LRBA: variants seen among roughly 807,000 people sequenced by gnomAD.
LRBA encodes lipopolysaccharide-responsive and beige-like anchor protein.
In LRBA, 176 loss-of-function variants were observed where a neutral mutation model predicts 330.0. That is an observed-to-expected ratio of 0.53 (90% CI 0.47 to 0.60). The LOEUF (loss-of-function observed/expected upper bound fraction) is 0.60, where lower values mean the gene tolerates loss of function less well. Among genes scored for constraint, LRBA ranks in the 20% least tolerant of loss-of-function variants. The pLI is 0.00. For missense variants in LRBA, 3,259 were observed against 3,444.8 expected (o/e 0.95, Z 1.35); for synonymous variants, 1,230 against 1,193.0 (o/e 1.03, Z -0.64).
chr4:150,583,485 C>T lies in LRBA; in HGVS notation c.6330+4563G>A, dbSNP rs1771672769. 1 of 1,613,792 alleles carries T rather than the reference C, an allele frequency of 6.2e-7. No homozygotes were observed. ...GCTATCGGGATGTGGTCAAGATGAT[C>T]GCGGACACCAGCGAGGTCAAGTTGC... On this transcript the variant is annotated intron_variant, in intron 40 of 56. Transcript: ENST00000651943. This position sits in a 1 kb window ranked among gnomAD's most constrained non-coding sequence, Gnocchi z 9.8.
At chr4:150,657,695 GTACTT>G (rs1173165934) in intron 37 of LRBA, among the ~76,000 whole-genome samples, 3 of 151,860 alleles carry the variant, frequency 2.0e-5, no homozygotes, top group Non-Finnish European at 4.4e-5. Context: ...GTAGAACAAA[GTACTT>G]TAATGTTTCG....
At chr4:150,400,011 C>G (rs1048079470) in intron 47 of LRBA, among the ~76,000 whole-genome samples, 1 of 150,920 alleles carries the variant, frequency 6.6e-6, no homozygotes, top group African/African-American at 2.4e-5. Context: ...CAAGGCTTCC[C>G]AAGGGGGAGG....
At chr4:150,730,345 G>A (rs1582172631) in intron 36 of LRBA, among the ~76,000 whole-genome samples, 1 of 152,122 alleles carries the variant, frequency 6.6e-6, no homozygotes, top group Non-Finnish European at 1.5e-5. Flanking sequence ...TATTTGAATA[G>A]ACGTTTCTCA....
intron 35 of LRBA, among the ~76,000 whole-genome samples, chr4:150,736,103 T>C (rs1731145927): frequency 6.6e-6 from 1 of 152,058 alleles, no homozygotes. Flanking sequence ...GCAAACAAAA[T>C]AGGCCAAACT....
At chr4:150,484,107 T>C (rs1056635834) in intron 42 of LRBA, among the ~76,000 whole-genome samples, 1 of 152,032 alleles carries the variant, frequency 6.6e-6, no homozygotes, top group African/African-American at 2.4e-5. Context: ...ATTTTATTTC[T>C]TCCTTTCCAA....
intron 44 of LRBA, among the ~76,000 whole-genome samples, chr4:150,457,104 T>C (rs1459460529): frequency 1.3e-5 from 2 of 152,136 alleles, no homozygotes; most frequent in African/African-American, 4.8e-5. Context: ...TATTTGTCTA[T>C]TCTAATTTTT....
intron 47 of LRBA, among the ~76,000 whole-genome samples, chr4:150,378,150 G>T (rs1233385393): frequency 2.6e-5 from 4 of 152,080 alleles, no homozygotes; most frequent in African/African-American, 9.7e-5. Context: ...TTACTAATTA[G>T]CATGATCCCT....
chr4:150,421,359 T>C (rs1748768355), intron 46 of LRBA, among the ~76,000 whole-genome samples: 1 of 146,764 alleles, frequency 6.8e-6, no homozygotes, highest in Non-Finnish European at 1.5e-5. Flanking sequence ...TATATATACA[T>C]ATATACACAT....
At chr4:150,668,222 A>G (rs74907773) in intron 37 of LRBA, among the ~76,000 whole-genome samples, 1 of 152,362 alleles carries the variant, frequency 6.6e-6, no homozygotes, top group East Asian at 1.9e-4. Flanking sequence ...TCCAAAACCC[A>G]GTATGTGCCA....
At chr4:150,942,677 T>C (rs188211170) in intron 2 of LRBA, among the ~76,000 whole-genome samples, 3 of 152,266 alleles carry the variant, frequency 2.0e-5, no homozygotes, top group Admixed American at 2.0e-4. Context: ...TCATATAAGA[T>C]TTCCATTTCT....
chr4:150,420,409 A>G (rs927059044), intron 46 of LRBA, among the ~76,000 whole-genome samples: 47 of 137,568 alleles, frequency 3.4e-4, no homozygotes, highest in African/African-American at 1.1e-3. Flanking sequence ...TATATATAAT[A>G]CACATTATAG....
chr4:150,418,101 C>T (rs7699508), intron 46 of LRBA, among the ~76,000 whole-genome samples: 8,318 of 151,346 alleles, frequency 0.055, 318 homozygotes, highest in Non-Finnish European at 0.083. Flanking sequence ...CATAGTTCAC[C>T]GTAACCTCAA....
chr4:150,502,920 C>CA (rs1455502946), intron 40 of LRBA, among the ~76,000 whole-genome samples: 9 of 152,256 alleles, frequency 5.9e-5, no homozygotes, highest in Admixed American at 5.9e-4. Context: ...GCACCTGACT[C>CA]AGAGGGTCCT....
intron 34 of LRBA, among the ~76,000 whole-genome samples, chr4:150,762,159 T>C (rs1735180532): frequency 1.3e-5 from 2 of 151,868 alleles, no homozygotes; most frequent in South Asian, 2.1e-4. Flanking sequence ...CAAGGACAAA[T>C]AGACATTTTG....
At chr4:150,777,962 G>A (rs1414664964) in intron 34 of LRBA, among the ~76,000 whole-genome samples, 1 of 102,042 alleles carries the variant, frequency 9.8e-6, no homozygotes, top group African/African-American at 3.9e-5. Context: ...GACAGAGTGA[G>A]ACTCTGTTTC....
chr4:150,405,543 T>G (rs1416993003), intron 47 of LRBA, among the ~76,000 whole-genome samples: 3 of 152,150 alleles, frequency 2.0e-5, no homozygotes, highest in Non-Finnish European at 4.4e-5. Context: ...AAGTAGTGAA[T>G]ACAATTAATA....
chr4:151,002,278 A>C (rs1033603883), intron 2 of LRBA, among the ~76,000 whole-genome samples: 1 of 151,636 alleles, frequency 6.6e-6, no homozygotes, highest in African/African-American at 2.4e-5. Flanking sequence ...TCAAAAACAA[A>C]TTTACAGGCC....
chr4:150,849,344 C>T (rs1750310760), intron 25 of LRBA, 78 bp downstream of exon 25: 2 of 1,291,048 alleles, frequency 1.5e-6, no homozygotes, highest in Non-Finnish European at 2.2e-6. Flanking sequence ...TAGTAACCAC[C>T]ACATTTAAGT....
chr4:150,499,636 T>A (rs930518539), intron 40 of LRBA, among the ~76,000 whole-genome samples: 25 of 151,548 alleles, frequency 1.6e-4, no homozygotes, highest in Admixed American at 1.1e-3. Flanking sequence ...GAGACTTTTT[T>A]TTTTTTTTAA....
Sources: gnomAD v4.1 joint callset for allele counts (sites outside exome capture counted in the v4.1 genomes callset) on GRCh38, gnomAD v4.1.1 for gene constraint, Gnocchi (gnomAD v3.1) non-coding constraint, MANE v1.5 for transcripts, NCBI Gene and HGNC (gene_info 2026-07-23, HGNC 2026-07-21) for gene names.